The following WDFY2 variants were observed in gnomAD, a reference collection of about 807,000 sequenced individuals.
The protein encoded by WDFY2 is WD repeat and FYVE domain-containing protein 2.
WDFY2 carries 36 observed loss-of-function variants against 56.4 expected under a neutral mutation model. The observed-to-expected ratio is 0.64, with a 90% CI of 0.49 to 0.84. The LOEUF is 0.84. Ranked by LOEUF, WDFY2 falls within the 40% of genes least tolerant of loss-of-function variation. The pLI, the probability that WDFY2 is intolerant of heterozygous loss-of-function variation, is 0.00. For missense variants in WDFY2, 444 were observed against 512.2 expected, an observed-to-expected ratio of 0.87 and a Z score of 1.29; for synonymous variants, 176 against 183.7, an observed-to-expected ratio of 0.96 and a Z score of 0.34.
chr13:51,738,705 A>G (rs1484361224), intron 6 of WDFY2, among the ~76,000 whole-genome samples: 6 of 152,234 alleles, frequency 3.9e-5, no homozygotes, highest in Admixed American at 3.9e-4. Context: ...GGCAGGCAGC[A>G]GTTAAGAAAA....
chr13:51,710,866 G>A (rs543492646), intron 4 of WDFY2, among the ~76,000 whole-genome samples: 3 of 152,190 alleles, frequency 2.0e-5, no homozygotes, highest in South Asian at 4.1e-4. Context: ...ATACTGCCCA[G>A]GGTAATTTAT....
intron 1 of WDFY2, among the ~76,000 whole-genome samples, chr13:51,602,691 C>T (rs1954309399): frequency 1.3e-5 from 2 of 152,138 alleles, no homozygotes; most frequent in Non-Finnish European, 2.9e-5. Context: ...GGCATTTGTT[C>T]ATTAGTTGTT....
chr13:51,640,241 G>A (rs949856776), intron 1 of WDFY2, among the ~76,000 whole-genome samples: 2 of 152,170 alleles, frequency 1.3e-5, no homozygotes, highest in Non-Finnish European at 2.9e-5. Flanking sequence ...TCCCAGAAGA[G>A]GCTGTTGTAT....
At position 51,758,406 on chromosome 13, in the gene WDFY2, C is replaced by G. The variant is rs1593485804; in HGVS notation, c.1173+106C>G. On this transcript the variant is annotated intron_variant, in intron 11 of 11. Transcript: ENST00000298125. ...TGTTCTAAAGGTTATCCTTGGGTAG[C>G]CGGCCATGGTGGCATGTGTCTGTAG... 7 of 752,396 alleles carry G rather than the reference C, an allele frequency of 9.3e-6. No individual in the cohort carries two copies. The East Asian group carries it at 2.1e-4, about 22-fold the overall frequency. The allele number at this position is 752,396 out of a possible 1,614,324, so 46.6% of individuals were successfully genotyped here.
intron 3 of WDFY2, among the ~76,000 whole-genome samples, chr13:51,684,873 G>T (rs1956036317): frequency 6.6e-6 from 1 of 152,084 alleles, no homozygotes; most frequent in South Asian, 2.1e-4. Flanking sequence ...ACTGCCTGTT[G>T]TCTCTAGGTT....
intron 1 of WDFY2, among the ~76,000 whole-genome samples, chr13:51,602,767 T>G (rs989498334): frequency 1.3e-5 from 2 of 152,238 alleles, no homozygotes; most frequent in South Asian, 4.1e-4. Flanking sequence ...ATTGGAGAGA[T>G]AAATGACTAG....
chr13:51,738,108 A>G (rs188416497), intron 6 of WDFY2, among the ~76,000 whole-genome samples: 5 of 152,358 alleles, frequency 3.3e-5, no homozygotes, highest in Admixed American at 3.3e-4. Flanking sequence ...TCAATAAGAA[A>G]AATGTCAGAT....
intron 3 of WDFY2, among the ~76,000 whole-genome samples, chr13:51,702,240 A>T (rs1370428100): frequency 6.6e-6 from 1 of 151,948 alleles, no homozygotes; most frequent in East Asian, 1.9e-4. Flanking sequence ...TGAACCTGGG[A>T]GGCAGAGGTT....
intron 1 of WDFY2, chr13:51,587,180 C>A (rs913129292): frequency 1.3e-5 from 2 of 152,206 alleles, no homozygotes; most frequent in Admixed American, 6.5e-5. Context: ...CCTGGTTTAT[C>A]TTTTTGACCT....
rs1367331177 is a variant in WDFY2 at position 51,765,944 on chromosome 13, A to C, written c.*6175A>C. 1.3e-5 allele frequency: 2 copies of C among 152,116 alleles called. No homozygotes were observed. Among genetic ancestry groups the C allele is most frequent in the African/African-American group, 4.8e-5 (2 of 41,414 alleles). 9.4% of individuals were successfully genotyped at this position (152,116 alleles called of 1,614,324 possible). Reference sequence around the variant, plus strand: ...AGGTTGGCTGAAAAGTTAGATTGAGAATCTGACCTTGTTACTTATGATTCT... The same window carrying C: ...AGGTTGGCTGAAAAGTTAGATTGAGCATCTGACCTTGTTACTTATGATTCT... On this transcript the variant is annotated 3_prime_UTR_variant, in exon 12 of 12. Transcript: ENST00000298125.
chr13:51,726,061 C>T (rs1327644975), intron 5 of WDFY2, among the ~76,000 whole-genome samples: 1 of 152,244 alleles, frequency 6.6e-6, no homozygotes, highest in African/African-American at 2.4e-5. Context: ...ACTGCCATCA[C>T]TGTCCCCTGA....
chr13:51,659,851 G>C (rs1319388318), intron 1 of WDFY2, among the ~76,000 whole-genome samples: 1 of 152,192 alleles, frequency 6.6e-6, no homozygotes, highest in South Asian at 2.1e-4. Context: ...ACCATGGACT[G>C]TATAATCATT....
intron 5 of WDFY2, among the ~76,000 whole-genome samples, chr13:51,721,352 A>G (rs779880415): frequency 6.6e-6 from 1 of 152,108 alleles, no homozygotes; most frequent in Non-Finnish European, 1.5e-5. Flanking sequence ...TGGTTTCTGT[A>G]TCACTTAGCC....
chr13:51,588,462 T>C (rs1953984616), intron 1 of WDFY2: 1 of 152,202 alleles, frequency 6.6e-6, no homozygotes, highest in Non-Finnish European at 1.5e-5. Context: ...AGTAACTTGA[T>C]AGTTTCGTTT....
rs1444152942 is a variant in WDFY2 at position 51,766,231 on chromosome 13, A to G, written c.*6462A>G. 6.6e-6 allele frequency: 1 copy of G among 152,184 alleles called. No individual in the cohort carries two copies. Among genetic ancestry groups the G allele is most frequent in the African/African-American group, 2.4e-5 (1 of 41,448 alleles). 9.4% of individuals were successfully genotyped at this position (152,184 alleles called of 1,614,324 possible). ...TTTTTCAAGGTGCTGTCATTTTGCA[A>G]AAGGAAATCTTTATATGAAATGTAC... On this transcript the variant is annotated 3_prime_UTR_variant, in exon 12 of 12. Transcript: ENST00000298125.
chr13:51,720,653 G>C (rs1279980366), intron 5 of WDFY2, among the ~76,000 whole-genome samples: 1 of 152,138 alleles, frequency 6.6e-6, no homozygotes. Context: ...ATAAATTACT[G>C]TAAACTTGGT....
intron 1 of WDFY2, among the ~76,000 whole-genome samples, chr13:51,624,494 T>G (rs988570677): frequency 6.6e-6 from 1 of 152,210 alleles, no homozygotes; most frequent in African/African-American, 2.4e-5. Flanking sequence ...AGCCCCTGAC[T>G]CTGCACCAGG....
chr13:51,639,444 A>G (rs1031842229), intron 1 of WDFY2, among the ~76,000 whole-genome samples: 3 of 152,186 alleles, frequency 2.0e-5, no homozygotes, highest in African/African-American at 4.8e-5. Flanking sequence ...ATTCCAAGCA[A>G]AATTGTAGAG....
chr13:51,719,756 A>C (rs1027393870), intron 5 of WDFY2, among the ~76,000 whole-genome samples: 2 of 152,198 alleles, frequency 1.3e-5, no homozygotes, highest in Non-Finnish European at 2.9e-5. Flanking sequence ...GGTGCCTGGG[A>C]GAAGAACCAT....
Sources: gnomAD v4.1 joint callset for allele counts (sites outside exome capture counted in the v4.1 genomes callset) on GRCh38, gnomAD v4.1.1 for gene constraint, MANE v1.5 for transcripts, NCBI Gene and HGNC (gene_info 2026-07-23, HGNC 2026-07-21) for gene names.